The following ZFR2 variants were observed in gnomAD, a reference collection of about 807,000 sequenced individuals.
ZFR2 encodes zinc finger RNA binding protein 2.
A neutral mutation model predicts 105.7 loss-of-function variants in ZFR2; 104 were observed. The observed-to-expected ratio is 0.98, with a 90% CI of 0.84 to 1.16. ZFR2 has a LOEUF of 1.16. Among genes scored for constraint, ZFR2 ranks in the 50% most tolerant of loss-of-function variants. ZFR2 has a pLI of 0.00. For missense variants in ZFR2, 1,425 were observed against 1,355.5 expected (o/e 1.05, Z -0.80); for synonymous variants, 634 against 597.7 (o/e 1.06, Z -0.89).
chr19:3,868,377 G>A (rs1238734294), intron 1 of ZFR2, among the ~76,000 whole-genome samples: 1 of 139,082 alleles, frequency 7.2e-6, no homozygotes, highest in Non-Finnish European at 1.5e-5. Flanking sequence ...TCCTCCCCCC[G>A]CAATCGGGGG....
Position 3,868,946 on chromosome 19 carries a change from G to A in ZFR2, c.53+19C>T. On this transcript the variant is annotated intron_variant, in intron 1 of 18. Transcript: ENST00000262961. ...GCAGGGGCCGGGACTGGCGGGGGCT[G>A]GCGCGGCGGGGCAGTTACCTGTACT... The A allele has an allele frequency of 3.9e-6, 5 of 1,294,862 alleles. No individual in the cohort carries two copies. The South Asian group carries it at 1.3e-4, about 34-fold the overall frequency. 80.2% of individuals were successfully genotyped at this position (1,294,862 alleles called of 1,614,324 possible). A position where few individuals can be genotyped will look rare whatever the true frequency, so the allele number is the denominator to read the frequency against.
At position 3,805,983 on chromosome 19, in the gene ZFR2, T is replaced by G. The variant is rs563353616; in HGVS notation, c.2786A>C (p.Lys929Thr). Residue 929 changes from lysine to threonine, a missense_variant, in exon 19 of 19, where the codon AAG becomes ACG. By Grantham distance (78) the Lys-to-Thr change is moderately conservative (BLOSUM62 -1). Coordinates refer to ENST00000262961, the MANE Select transcript of ZFR2 (RefSeq NM_015174.2). ...GEGEEGAGEK[K>T]RGRRGGEGLV ...CCCCTCTCCGCCCCGCCGGCCCCGC[T>G]TCTTCTCCCCTGCGCCCTCCTCTCC... The G allele has an allele frequency of 3.2e-4, 493 of 1,542,932 alleles. No individual in the cohort carries two copies. Among genetic ancestry groups the G allele is most frequent in the Non-Finnish European group, 4.2e-4 (477 of 1,146,574 alleles).
In ZFR2 at chr19:3,825,181, G is replaced by A. The variant is rs759114515; in HGVS notation, c.1213+49C>T. The A allele has an allele frequency of 1.6e-5, 22 of 1,409,136 alleles. No homozygotes were observed. The African/African-American group carries it at 3.3e-4, about 21-fold the overall frequency. 87.3% of individuals were successfully genotyped at this position (1,409,136 alleles called of 1,614,324 possible). On this transcript the variant is annotated intron_variant, in intron 7 of 18. Coordinates refer to ENST00000262961, the MANE Select transcript of ZFR2 (RefSeq NM_015174.2). ...GATTTTCTCACGAAACTTTCACTAG[G>A]CGGCCAGGGCTCTGGTGGGTACACG...
chr19:3,816,243 C>CTTTTT (rs58609703), intron 13 of ZFR2, among the ~76,000 whole-genome samples: 2 of 115,090 alleles, frequency 1.7e-5, no homozygotes, highest in Admixed American at 9.7e-5. Flanking sequence ...CTTCTTGTAT[C>CTTTTT]TTTTTTTTTT....
chr19:3,833,818 G>A, intron 2 of ZFR2, 40 bp from the exon 3 acceptor site: 1 of 1,508,120 alleles, frequency 6.6e-7, no homozygotes, highest in African/African-American at 1.4e-5. Context: ...AGAGAACGGA[G>A]GAGAGCAGCT....
chr19:3,823,400 G>C lies in ZFR2; in HGVS notation c.1217C>G (p.Pro406Arg), dbSNP rs772270364. 4 of 1,603,462 alleles carry C rather than the reference G, an allele frequency of 2.5e-6. No individual in the cohort carries two copies. The South Asian group carries it at 3.3e-5, about 13-fold the overall frequency. Residue 406 changes from proline to arginine, a missense_variant, in exon 8 of 19, where the codon CCT becomes CGT. Coordinates refer to ENST00000262961, the MANE Select transcript of ZFR2 (RefSeq NM_015174.2). This position sits in a 1 kb window ranked among gnomAD's most constrained non-coding sequence, Gnocchi z 5.4. ...GCAGCCTGCTGCCTGTGGCTCAGGAGGCCCTGAGGGGAAAAACCATGTCAC... is the reference window on the plus strand; with the variant it reads ...GCAGCCTGCTGCCTGTGGCTCAGGACGCCCTGAGGGGAAAAACCATGTCAC... ...PVASKALCEGPPEPQAAGCRP... is the reference protein window; with the variant it reads ...PVASKALCEGRPEPQAAGCRP...
intron 1 of ZFR2, among the ~76,000 whole-genome samples, chr19:3,863,419 G>A (rs1429494449): frequency 1.3e-5 from 2 of 152,108 alleles, no homozygotes; most frequent in Non-Finnish European, 2.9e-5. Context: ...ACTCCGGGGA[G>A]GGGCTCTTGT....
intron 3 of ZFR2, among the ~76,000 whole-genome samples, chr19:3,833,359 G>A (rs1421310895): frequency 4.6e-5 from 7 of 152,138 alleles, no homozygotes; most frequent in East Asian, 1.9e-4. Context: ...GGCGGATCAC[G>A]AGGTCAGGAG....
intron 1 of ZFR2, among the ~76,000 whole-genome samples, chr19:3,848,150 G>A (rs771451909): frequency 3.3e-5 from 5 of 152,268 alleles, no homozygotes; most frequent in Admixed American, 1.3e-4. Flanking sequence ...AGTGGCTCAC[G>A]CCTGTAATCC....
Position 3,831,309 on chromosome 19 carries a change from G to A in ZFR2, c.846C>T (p.Gly282=). The A allele has an allele frequency of 1.3e-6, 2 of 1,534,572 alleles. No individual in the cohort carries two copies. The highest frequency in any genetic ancestry group is 1.8e-6 in the Non-Finnish European group (2 of 1,140,252). Residue 282 remains glycine, a synonymous_variant, in exon 5 of 19, where the codon GGC becomes GGT. Transcript: ENST00000262961. ...TGGCAGGAGGGCGACTGACCTGGGG[G>A]CCAGCGCAGCTGATCTTGCAGATGT... ...YCDICKISCA[G]PQTYREHLGG...
intron 2 of ZFR2, 60 bp from the exon 3 acceptor site, chr19:3,833,838 G>A (rs973327448): frequency 2.3e-6 from 3 of 1,328,074 alleles, no homozygotes; most frequent in Admixed American, 4.0e-5. Context: ...TCAGGCGGTG[G>A]GTGCGACGCG....
At chr19:3,844,883 A>C (rs1122499) in intron 1 of ZFR2, among the ~76,000 whole-genome samples, 67,489 of 151,950 alleles carry the variant, frequency 0.44, 15,169 homozygotes, top group Admixed American at 0.5. Flanking sequence ...CGGGGGACTC[A>C]GTCTCTGCAG....
chr19:3,827,658 G>A lies in ZFR2; in HGVS notation c.853-5C>T, dbSNP rs765174892. 27 of 1,574,444 alleles carry A rather than the reference G, an allele frequency of 1.7e-5. No homozygotes were observed. In the Admixed American group the frequency reaches 3.1e-4, roughly 18 times the overall value. On this transcript the variant is annotated splice_polypyrimidine_tract_variant and splice_region_variant and intron_variant, in intron 5 of 18. Transcript: ENST00000262961. Reference sequence around the variant, plus strand: ...TCCCAGATGTTCCCGGTAGGTCTGCGGCAAGGGGTGAGAGGCAGCCTGGGC... The same window carrying A: ...TCCCAGATGTTCCCGGTAGGTCTGCAGCAAGGGGTGAGAGGCAGCCTGGGC...
At chr19:3,849,755 A>C (rs1486591808) in intron 1 of ZFR2, among the ~76,000 whole-genome samples, 4 of 152,194 alleles carry the variant, frequency 2.6e-5, no homozygotes, top group Non-Finnish European at 5.9e-5. Context: ...GTGAATGAAA[A>C]AGAACACGCT....
chr19:3,827,502 G>A lies in ZFR2; in HGVS notation c.1004C>T (p.Ala335Val), dbSNP rs561745300. The part of the protein sequence containing the change: ...AVSCTGADAY[A>V]AHIRGSKHQK... Reference sequence around the variant, plus strand: ...GTGCTTGGATCCCCGGATGTGGGCCGCGTAGGCGTCCGCCCCGGTGCAGGA... The same window carrying A: ...GTGCTTGGATCCCCGGATGTGGGCCACGTAGGCGTCCGCCCCGGTGCAGGA... The change falls in exon 6 of 19, where the codon GCG becomes GTG. Residue 335 changes from alanine (A) to valine (V), a missense_variant. Transcript: ENST00000262961. The A allele has an allele frequency of 4.0e-5, 62 of 1,554,768 alleles. No homozygotes were observed. Among genetic ancestry groups the A allele is most frequent in the East Asian group, 1.9e-4 (8 of 41,278 alleles).
intron 5 of ZFR2, among the ~76,000 whole-genome samples, chr19:3,830,967 A>G (rs1207067433): frequency 2.7e-5 from 4 of 147,428 alleles, no homozygotes; most frequent in African/African-American, 9.8e-5. Flanking sequence ...ACACACGCAC[A>G]CACATGCACA....
intron 5 of ZFR2, among the ~76,000 whole-genome samples, chr19:3,828,206 G>T (rs558127012): frequency 7.3e-6 from 1 of 136,986 alleles, no homozygotes; most frequent in Admixed American, 7.3e-5. Context: ...GTGCAGTGGC[G>T]TGATCTCAGC....
At chr19:3,854,874 C>A (rs2038280387) in intron 1 of ZFR2, among the ~76,000 whole-genome samples, 1 of 152,172 alleles carries the variant, frequency 6.6e-6, no homozygotes, top group African/African-American at 2.4e-5. Context: ...AGTGATCCAC[C>A]TCAGCATCCC....
Position 3,819,319 on chromosome 19 carries a change from G to A in ZFR2, c.1741-84C>T, listed in dbSNP as rs1254936364. 3 of 1,381,352 alleles carry A rather than the reference G, an allele frequency of 2.2e-6. No individual in the cohort carries two copies. In the Admixed American group the frequency reaches 9.0e-5, roughly 42 times the overall value. The allele number at this position is 1,381,352 out of a possible 1,614,324, so 85.6% of individuals were successfully genotyped here. On this transcript the variant is annotated intron_variant, in intron 11 of 18. Coordinates refer to ENST00000262961, the MANE Select transcript of ZFR2 (RefSeq NM_015174.2). ...GGCAGGCGGGCAGGTGGGGGCAGGTGGCCGTGGCCAGCCAGGTTACGAGGC... is the reference window on the plus strand; with the variant it reads ...GGCAGGCGGGCAGGTGGGGGCAGGTAGCCGTGGCCAGCCAGGTTACGAGGC...
Sources: allele counts gnomAD v4.1 joint callset (sites outside exome capture counted in the v4.1 genomes callset), GRCh38; gene constraint gnomAD v4.1.1; non-coding constraint Gnocchi (gnomAD v3.1); transcripts MANE v1.5; gene names NCBI Gene and HGNC (gene_info 2026-07-23, HGNC 2026-07-21).